FAXC: variants seen among roughly 807,000 people sequenced by gnomAD.
FAXC encodes failed axon connections homolog.
FAXC carries 10 observed loss-of-function variants against 41.9 expected under a neutral mutation model. The observed-to-expected ratio is 0.24, with a 90% confidence interval of 0.15 to 0.41. The LOEUF (loss-of-function observed/expected upper bound fraction) is 0.41. Among genes scored for constraint, FAXC ranks in the 10% least tolerant of loss-of-function variants. FAXC has a pLI of 1.00. For synonymous variants in FAXC, 183 were observed against 183.8 expected (o/e 1.00, Z 0.03); for missense variants, 399 against 510.9 (o/e 0.78, Z 2.11).
chr6:99,325,426 T>G (rs1176455720), intron 3 of FAXC, among the ~76,000 whole-genome samples: 2 of 152,222 alleles, frequency 1.3e-5, no homozygotes, highest in African/African-American at 2.4e-5. Context: ...ATTAGAAAGC[T>G]TTGTGTGACT....
At position 99,318,306 on chromosome 6, in the gene FAXC, C is replaced by CAAAAA. The variant is rs1554201375; in HGVS notation, c.823+5137_823+5138insTTTTT. ...ACACACACACACACACACACACACACAAAATAGAAGAAATGGAAAATATAT... is the reference window on the plus strand; with the variant it reads ...ACACACACACACACACACACACACACAAAAAAAAATAGAAGAAATGGAAAATATAT... On this transcript the variant is annotated intron_variant, in intron 4 of 5. Coordinates refer to ENST00000389677, the MANE Select transcript of FAXC (RefSeq NM_032511.4). Among the ~76,000 whole-genome samples, 317 of 135,314 alleles carry CAAAAA rather than the reference C, an allele frequency of 2.3e-3. 7 individuals are homozygous for CAAAAA. Among genetic ancestry groups the CAAAAA allele is most frequent in the African/African-American group, 8.0e-3 (295 of 36,756 alleles). The allele number at this position is 135,314 out of a possible 152,430, so 88.8% of individuals were successfully genotyped here.
chr6:99,306,325 T>A (rs866269691), intron 4 of FAXC, among the ~76,000 whole-genome samples: 1 of 151,930 alleles, frequency 6.6e-6, no homozygotes, highest in Non-Finnish European at 1.5e-5. Flanking sequence ...CCAGTGGAAA[T>A]GACGCAGAAG....
intron 4 of FAXC, among the ~76,000 whole-genome samples, chr6:99,319,272 G>A (rs1444895931): frequency 6.6e-6 from 1 of 152,112 alleles, no homozygotes; most frequent in African/African-American, 2.4e-5. Context: ...GGTGGCGGGC[G>A]CCTGTAGTCC....
At chr6:99,303,171 G>A (rs1055194745) in intron 4 of FAXC, among the ~76,000 whole-genome samples, 7 of 152,080 alleles carry the variant, frequency 4.6e-5, no homozygotes, top group African/African-American at 1.4e-4. Context: ...GACCTATTTG[G>A]TACCTATATG....
intron 4 of FAXC, among the ~76,000 whole-genome samples, chr6:99,301,551 T>C (rs1771706061): frequency 6.6e-6 from 1 of 152,208 alleles, no homozygotes; most frequent in South Asian, 2.1e-4. Context: ...CTCCAGTGCA[T>C]ACTTCTTTCT....
At chr6:99,284,554 A>AGT (rs1770946355) in intron 5 of FAXC, among the ~76,000 whole-genome samples, 3 of 104,476 alleles carry the variant, frequency 2.9e-5, no homozygotes, top group African/African-American at 1.2e-4. Flanking sequence ...GGTTGTGTGG[A>AGT]GTGTCTGTGT....
At chr6:99,334,208 G>A (rs993345580) in intron 2 of FAXC, among the ~76,000 whole-genome samples, 3 of 152,182 alleles carry the variant, frequency 2.0e-5, no homozygotes, top group African/African-American at 7.2e-5. Flanking sequence ...GAATAACGGG[G>A]ATTTGGACTG....
intron 4 of FAXC, among the ~76,000 whole-genome samples, chr6:99,307,768 C>G (rs919581101): frequency 8.5e-5 from 13 of 152,156 alleles, no homozygotes; most frequent in Non-Finnish European, 1.8e-4. Context: ...AAGGTTCACA[C>G]AAGCGCTGCG....
In FAXC at chr6:99,274,357, A is replaced by G. The variant is rs944128096; in HGVS notation, c.*6807T>C. On this transcript the variant is annotated 3_prime_UTR_variant, in exon 6 of 6. Transcript: ENST00000389677. ...CTTTTTATTATTTTAGCAAGATGGC[A>G]CCACCTAGAAAACTTTCAATTGCCT... 1 of 152,140 alleles carries G rather than the reference A, an allele frequency of 6.6e-6. No individual in the cohort carries two copies. Among genetic ancestry groups the G allele is most frequent in the African/African-American group, 2.4e-5 (1 of 41,430 alleles). 9.4% of individuals were successfully genotyped at this position (152,140 alleles called of 1,614,324 possible). A position where few individuals can be genotyped will look rare whatever the true frequency, so the allele number is the denominator to read the frequency against.
chr6:99,321,597 C>G (rs763400547), intron 4 of FAXC, among the ~76,000 whole-genome samples: 40 of 152,240 alleles, frequency 2.6e-4, no homozygotes, highest in Admixed American at 5.2e-4. Flanking sequence ...TTTCAACTAG[C>G]CTGCTCAGCT....
chr6:99,289,538 C>T (rs915188226), intron 5 of FAXC, among the ~76,000 whole-genome samples: 1 of 151,954 alleles, frequency 6.6e-6, no homozygotes, highest in Admixed American at 6.6e-5. Flanking sequence ...CTCATGAAGT[C>T]CCAGCTACTC....
intron 4 of FAXC, among the ~76,000 whole-genome samples, chr6:99,303,159 G>A (rs2128453803): frequency 6.6e-6 from 1 of 152,216 alleles, no homozygotes; most frequent in African/African-American, 2.4e-5. Context: ...TAAGTCCTTT[G>A]GGACCTATTT....
At position 99,291,739 on chromosome 6, in the gene FAXC, G is replaced by T. The variant is rs781074292; in HGVS notation, c.905C>A (p.Thr302Asn). 3.1e-6 allele frequency: 5 copies of T among 1,613,952 alleles called. No homozygotes were observed. In the East Asian group the frequency reaches 1.1e-4, roughly 36 times the overall value. ...VFGHLAQAMW[T>N]LPGTRPERLI... ...CCGTTCGGGTCTTGTCCCTGGTAAGGTCCACATTGCCTGTGCCAAGTGTCC... is the reference window on the plus strand; with the variant it reads ...CCGTTCGGGTCTTGTCCCTGGTAAGTTCCACATTGCCTGTGCCAAGTGTCC... The change falls in exon 5 of 6, where the codon ACC (threonine) becomes AAC (asparagine). Residue 302 changes from threonine (T) to asparagine (N), a missense_variant. Physicochemically the swap from Thr to Asn is moderately conservative, Grantham distance 65. Around this residue, in one of 3 missense-constraint regions of FAXC, gnomAD observed 239 missense variants for 352.7 expected, o/e 0.68. Coordinates refer to ENST00000389677, the MANE Select transcript of FAXC (RefSeq NM_032511.4).
intron 2 of FAXC, among the ~76,000 whole-genome samples, chr6:99,342,318 G>C (rs573800541): frequency 1.3e-5 from 2 of 151,866 alleles, no homozygotes; most frequent in African/African-American, 4.8e-5. Flanking sequence ...GGCTCAGTAG[G>C]CCTGTCCAAA....
intron 1 of FAXC, among the ~76,000 whole-genome samples, 160 bp downstream of exon 1, chr6:99,348,947 G>A (rs1773691526): frequency 6.6e-6 from 1 of 152,140 alleles, no homozygotes; most frequent in Non-Finnish European, 1.5e-5. Flanking sequence ...GCCCCTCACG[G>A]CCAGGTGACC....
intron 3 of FAXC, among the ~76,000 whole-genome samples, chr6:99,328,514 C>T (rs1340712442): frequency 6.6e-6 from 1 of 152,180 alleles, no homozygotes; most frequent in Non-Finnish European, 1.5e-5. Context: ...CTTTATGAGC[C>T]ACCCAGTCAA....
At chr6:99,308,205 G>A (rs1233469231) in intron 4 of FAXC, among the ~76,000 whole-genome samples, 1 of 152,220 alleles carries the variant, frequency 6.6e-6, no homozygotes, top group African/African-American at 2.4e-5. Context: ...GCTGAGGCAG[G>A]AGAATTGCTT....
At chr6:99,295,650 A>T (rs1246702209) in intron 4 of FAXC, among the ~76,000 whole-genome samples, 2 of 152,196 alleles carry the variant, frequency 1.3e-5, no homozygotes, top group South Asian at 2.1e-4. Context: ...ACTCCATATA[A>T]TAAATCCTAA....
At chr6:99,301,583 A>G (rs573088362) in intron 4 of FAXC, among the ~76,000 whole-genome samples, 1 of 152,364 alleles carries the variant, frequency 6.6e-6, no homozygotes, top group South Asian at 2.1e-4. Flanking sequence ...GAAGCCAGAA[A>G]CAGAAACCTC....
Sources: gnomAD v4.1 joint callset for allele counts (sites outside exome capture counted in the v4.1 genomes callset) on GRCh38, gnomAD v4.1.1 for gene constraint, gnomAD v4.1.1 regional missense constraint, MANE v1.5 for transcripts, NCBI Gene and HGNC (gene_info 2026-07-23, HGNC 2026-07-21) for gene names.